The following PSMC4 variants were observed in gnomAD, a reference collection of about 807,000 sequenced individuals.
PSMC4 encodes the protein proteasome 26S subunit, ATPase 4, also known as 26S proteasome regulatory subunit 6B.
Under a neutral mutation model 48.4 loss-of-function variants are expected in PSMC4, and 13 were observed. The ratio of observed to expected loss-of-function variants is 0.27; its 90% CI spans 0.18 to 0.43. The LOEUF (loss-of-function observed/expected upper bound fraction) is 0.43. Ranked by LOEUF, PSMC4 falls within the 20% of genes least tolerant of loss-of-function variation. PSMC4 has a pLI of 1.00. For missense variants in PSMC4, 262 were observed against 555.9 expected (o/e 0.47, Z 5.32); for synonymous variants, 202 against 212.3 (o/e 0.95, Z 0.42).
rs563289926 is a variant in PSMC4, at chr19:39,980,821, G to A, written c.1143+104G>A. On this transcript the variant is annotated intron_variant, in intron 10 of 10. Coordinates refer to ENST00000157812, the MANE Select transcript of PSMC4 (RefSeq NM_006503.4). The surrounding 1 kb of genome is among the most constrained non-coding windows in gnomAD (Gnocchi z 4.8). ...TGTCCCCTCATGGCTGCCCTGGGTC[G>A]TGGGCGCCATCTCTCTCTTCCTCTA... 93 of 1,143,366 alleles carry A rather than the reference G, an allele frequency of 8.1e-5. 1 individual carries two copies. Among genetic ancestry groups the A allele is most frequent in the African/African-American group, 6.4e-4 (42 of 65,348 alleles). 70.8% of individuals were successfully genotyped at this position (1,143,366 alleles called of 1,614,324 possible).
At chr19:39,972,088 G>A (rs915009084) in intron 1 of PSMC4, 58 bp from the exon 2 acceptor site, 11 of 1,488,340 alleles carry the variant, frequency 7.4e-6, no homozygotes, top group Non-Finnish European at 7.5e-6. Context: ...TAGTGAAGTT[G>A]GGAAGCTTTC....
chr19:39,977,776 C>T (rs921011614), intron 6 of PSMC4, among the ~76,000 whole-genome samples: 3 of 151,724 alleles, frequency 2.0e-5, no homozygotes, highest in South Asian at 2.1e-4. Context: ...GAGCGAAGAT[C>T]GCACCATTGC....
intron 6 of PSMC4, among the ~76,000 whole-genome samples, chr19:39,978,973 C>T (rs952620326): frequency 2.0e-5 from 3 of 152,178 alleles, no homozygotes; most frequent in African/African-American, 7.2e-5. Context: ...GATGATACCA[C>T]TGTACTCCAA....
intron 6 of PSMC4, among the ~76,000 whole-genome samples, chr19:39,977,412 A>G (rs1269045403): frequency 1.3e-5 from 2 of 151,958 alleles, no homozygotes; most frequent in African/African-American, 2.4e-5. Context: ...CGTTTTTCTG[A>G]GTGAATTGGG....
chr19:39,979,626 G>A (rs1318988935), intron 6 of PSMC4, 191 bp from the exon 7 acceptor site: 2 of 435,616 alleles, frequency 4.6e-6, no homozygotes, highest in Admixed American at 4.4e-5. Context: ...GGGTCACTGT[G>A]GGGTACAAGT....
chr19:39,979,779 G>A, intron 6 of PSMC4, 38 bp from the exon 7 acceptor site: 1 of 1,573,054 alleles, frequency 6.4e-7, no homozygotes. Context: ...CCCCTCAGGA[G>A]GCTCATTCCC....
rs1443073420 is a variant in PSMC4 at position 39,980,328 on chromosome 19, C to T, written c.961C>T (p.Leu321=). Residue 321 remains leucine (L), a synonymous_variant, in exon 9 of 11, where the codon CTG becomes TTG. Transcript: ENST00000157812. This position sits in a 1 kb window ranked among gnomAD's most constrained non-coding sequence, Gnocchi z 4.8. ...CAGAGCAGACACCCTGGATCCGGCCCTGCTACGGCCAGGACGGCTGGACCG... is the reference window on the plus strand; with the variant it reads ...CAGAGCAGACACCCTGGATCCGGCCTTGCTACGGCCAGGACGGCTGGACCG... ...TNRADTLDPA[L]LRPGRLDRKI... 6.2e-7 allele frequency: 1 copy of T among 1,614,106 alleles called. No individual in the cohort carries two copies.
intron 6 of PSMC4, among the ~76,000 whole-genome samples, chr19:39,976,215 C>T (rs1209946466): frequency 6.4e-5 from 9 of 139,790 alleles, no homozygotes; most frequent in South Asian, 2.3e-4. Context: ...CCAGCCTGGG[C>T]GACAAAGCAA....
chr19:39,972,046 C>T, intron 1 of PSMC4, 100 bp from the exon 2 acceptor site: 1 of 1,115,808 alleles, frequency 9.0e-7, no homozygotes, highest in African/African-American at 1.5e-5. Context: ...GGCTAAGTGA[C>T]ATCAGGGTGA....
chr19:39,976,512 CTTT>C (rs561360469), intron 6 of PSMC4, among the ~76,000 whole-genome samples: 3 of 131,074 alleles, frequency 2.3e-5, no homozygotes, highest in Non-Finnish European at 1.6e-5. Context: ...CGTAAAGTTT[CTTT>C]TTTTTTTTTT....
In PSMC4 at chr19:39,974,589, G is replaced by T; in HGVS notation, c.535G>T (p.Glu179Ter). ...GGACATCCAGAAGCAGGAGGTGCGG[G>T]AGGCCGTGGAGCTCCCGCTCACGCA... ...GMDIQKQEVR[E>*]AVELPLTHFE... Residue 179 changes from glutamate (E) to a stop codon, truncating the protein, a stop_gained, in exon 5 of 11, where the codon GAG (glutamate) becomes TAG (stop). Coordinates refer to ENST00000157812, the MANE Select transcript of PSMC4 (RefSeq NM_006503.4). LOFTEE classifies it high-confidence loss of function. The surrounding 1 kb of genome is among the most constrained non-coding windows in gnomAD (Gnocchi z 5.5). 1 of 1,614,146 alleles carries T rather than the reference G, an allele frequency of 6.2e-7. No homozygotes were observed. The highest frequency in any genetic ancestry group is 1.1e-5 in the South Asian group (1 of 91,084).
At chr19:39,971,987 G>A (rs1971107992) in intron 1 of PSMC4, among the ~76,000 whole-genome samples, 159 bp from the exon 2 acceptor site, 1 of 152,162 alleles carries the variant, frequency 6.6e-6, no homozygotes. Context: ...TGGCCAAAAG[G>A]TTTCCAGGAT....
At chr19:39,979,576 A>AG in intron 6 of PSMC4, 1 of 345,478 alleles carries the variant, frequency 2.9e-6, no homozygotes, top group Admixed American at 4.8e-5. Context: ...AAAAAAAAAA[A>AG]GTGACACATT....
chr19:39,972,664 A>G (rs1452366880), intron 3 of PSMC4, 109 bp downstream of exon 3: 9 of 912,250 alleles, frequency 9.9e-6, no homozygotes, highest in Non-Finnish European at 1.5e-5. Flanking sequence ...TGTTCTTCAG[A>G]GTATTTTGAC....
Position 39,974,194 on chromosome 19 carries a change from CT to C in PSMC4, c.323-99del. On this transcript the variant is annotated intron_variant, in intron 3 of 10. Coordinates refer to ENST00000157812, the MANE Select transcript of PSMC4 (RefSeq NM_006503.4). This position sits in a 1 kb window ranked among gnomAD's most constrained non-coding sequence, Gnocchi z 5.5. ...AGGCCGAGAGGGGACCCCTCAGGGTCTGAACCAGAGATGTTGGGGTGTGGAG... is the reference window on the plus strand; with the variant it reads ...AGGCCGAGAGGGGACCCCTCAGGGTCGAACCAGAGATGTTGGGGTGTGGAG... 6.8e-7 allele frequency: 1 copy of C among 1,476,798 alleles called. No homozygotes were observed. Among genetic ancestry groups the C allele is most frequent in the South Asian group, 1.3e-5 (1 of 78,880 alleles). The allele number at this position is 1,476,798 out of a possible 1,614,324, so 91.5% of individuals were successfully genotyped here. A position where few individuals can be genotyped will look rare whatever the true frequency, so the allele number is the denominator to read the frequency against.
At chr19:39,981,152 C>T in intron 10 of PSMC4, 40 bp from the exon 11 acceptor site, 2 of 1,516,708 alleles carry the variant, frequency 1.3e-6, no homozygotes, top group Non-Finnish European at 1.8e-6. Flanking sequence ...CCACTGTGCC[C>T]TGCCACAGGA....
At chr19:39,972,872 A>G (rs1971127080) in intron 3 of PSMC4, among the ~76,000 whole-genome samples, 1 of 151,780 alleles carries the variant, frequency 6.6e-6, no homozygotes, top group Non-Finnish European at 1.5e-5. Flanking sequence ...CAGCCTCCCA[A>G]GTAGCTGGGA....
intron 6 of PSMC4, among the ~76,000 whole-genome samples, chr19:39,979,032 T>C (rs961338367): frequency 1.3e-5 from 2 of 152,136 alleles, no homozygotes; most frequent in East Asian, 1.9e-4. Context: ...CCATTGCCAA[T>C]TGTCAGTTAT....
intron 3 of PSMC4, among the ~76,000 whole-genome samples, chr19:39,973,363 C>G (rs1400116499): frequency 6.6e-6 from 1 of 152,038 alleles, no homozygotes; most frequent in African/African-American, 2.4e-5. Context: ...GTGGGCAGAT[C>G]ACTTGAGGCC....
Sources: allele counts gnomAD v4.1 joint callset (sites outside exome capture counted in the v4.1 genomes callset), GRCh38; gene constraint gnomAD v4.1.1; non-coding constraint Gnocchi (gnomAD v3.1); transcripts MANE v1.5; gene names NCBI Gene and HGNC (gene_info 2026-07-23, HGNC 2026-07-21).